TMC1: variants seen among roughly 807,000 people sequenced by gnomAD.
The protein encoded by TMC1 is transmembrane channel like 1.
In TMC1, 84 loss-of-function variants were observed where a neutral mutation model predicts 105.8. That is an observed-to-expected ratio of 0.79 (90% CI 0.67 to 0.95). TMC1 has a LOEUF of 0.95. TMC1 is among the 40% of genes least tolerant of loss of function. The pLI, the probability that TMC1 is intolerant of heterozygous loss-of-function variation, is 0.00. For missense variants in TMC1, 817 were observed against 914.1 expected (o/e 0.89, Z 1.37); for synonymous variants, 315 against 311.5 (o/e 1.01, Z -0.12).
In TMC1 at chr9:72,708,895, T is replaced by C. The variant is rs1346973681; in HGVS notation, c.362+8252T>C. 2.0e-5 allele frequency among the ~76,000 whole-genome samples: 3 copies of C among 152,162 alleles called. No homozygotes were observed. In the East Asian group the frequency reaches 5.8e-4, roughly 29 times the overall value. ...TATTATGTTGGCTGTATGTTTGTCATAGATGGCTTTTATTACATTGAGGTA... is the reference window on the plus strand; with the variant it reads ...TATTATGTTGGCTGTATGTTTGTCACAGATGGCTTTTATTACATTGAGGTA... On this transcript the variant is annotated intron_variant, in intron 8 of 23. Coordinates refer to ENST00000297784, the MANE Select transcript of TMC1 (RefSeq NM_138691.3).
At chr9:72,676,646 C>T (rs1000720651) in intron 5 of TMC1, among the ~76,000 whole-genome samples, 9 of 152,244 alleles carry the variant, frequency 5.9e-5, no homozygotes, top group Middle Eastern at 3.4e-3. Flanking sequence ...GGCTCATTCT[C>T]CTAGAGCCAG....
At chr9:72,736,852 G>T (rs1827306774) in intron 8 of TMC1, among the ~76,000 whole-genome samples, 3 of 151,970 alleles carry the variant, frequency 2.0e-5, no homozygotes, top group Non-Finnish European at 4.4e-5. Flanking sequence ...AAAAAAATGG[G>T]GATAGGCACA....
chr9:72,524,344 C>T (rs758088800), intron 1 of TMC1, among the ~76,000 whole-genome samples: 20 of 152,142 alleles, frequency 1.3e-4, no homozygotes, highest in Admixed American at 4.6e-4. Flanking sequence ...CTTTTGACTT[C>T]CTTTGAGCCT....
chr9:72,739,707 C>A (rs1021769614), intron 8 of TMC1, among the ~76,000 whole-genome samples: 1 of 152,110 alleles, frequency 6.6e-6, no homozygotes, highest in African/African-American at 2.4e-5. Flanking sequence ...TTGACCTAAC[C>A]TCTCTGCCCT....
chr9:72,725,313 T>G, intron 8 of TMC1, among the ~76,000 whole-genome samples: 1 of 123,598 alleles, frequency 8.1e-6, no homozygotes, highest in African/African-American at 2.9e-5. Flanking sequence ...CACACACATT[T>G]TATGTGTGTA....
At chr9:72,630,313 A>G (rs1340320864) in intron 4 of TMC1, among the ~76,000 whole-genome samples, 3 of 152,266 alleles carry the variant, frequency 2.0e-5, no homozygotes, top group African/African-American at 7.2e-5. Context: ...AATAAAACTA[A>G]TGAAAATATT....
intron 8 of TMC1, among the ~76,000 whole-genome samples, chr9:72,733,495 T>C (rs950709939): frequency 6.6e-6 from 1 of 152,152 alleles, no homozygotes; most frequent in African/African-American, 2.4e-5. Flanking sequence ...TTCTTAACTT[T>C]GTAGTTTGGA....
At chr9:72,812,504 GCTAGAGTTTGTC>G (rs1360973840) in intron 18 of TMC1, among the ~76,000 whole-genome samples, 1 of 152,200 alleles carries the variant, frequency 6.6e-6, no homozygotes, top group African/African-American at 2.4e-5. Flanking sequence ...AGCAGACGAG[GCTAGAGTTTGTC>G]CTAGATCAGT....
At chr9:72,755,316 G>A (rs759675456) in intron 12 of TMC1, among the ~76,000 whole-genome samples, 5 of 152,144 alleles carry the variant, frequency 3.3e-5, no homozygotes, top group Non-Finnish European at 5.9e-5. Context: ...GGAAAATCTT[G>A]TTGGATTCCT....
intron 5 of TMC1, among the ~76,000 whole-genome samples, chr9:72,664,352 A>G (rs867555355): frequency 1.3e-5 from 2 of 152,234 alleles, no homozygotes; most frequent in Non-Finnish European, 2.9e-5. Context: ...AACAGGAGAC[A>G]GGGAAATACT....
chr9:72,806,710 G>C (rs1828600054), intron 18 of TMC1, among the ~76,000 whole-genome samples: 1 of 151,676 alleles, frequency 6.6e-6, no homozygotes. Context: ...TGTGATGGTG[G>C]CCGGGAAGAG....
chr9:72,536,054 T>TA (rs1823578940), intron 1 of TMC1, among the ~76,000 whole-genome samples: 1 of 152,222 alleles, frequency 6.6e-6, no homozygotes, highest in East Asian at 1.9e-4. Context: ...CCCTAAAACT[T>TA]ATGTCCTTCT....
intron 18 of TMC1, among the ~76,000 whole-genome samples, chr9:72,813,622 C>T (rs1588096601): frequency 6.6e-6 from 1 of 152,218 alleles, no homozygotes; most frequent in East Asian, 1.9e-4. Flanking sequence ...GTTTTAGTAC[C>T]AGTCATAGAT....
intron 8 of TMC1, among the ~76,000 whole-genome samples, chr9:72,710,982 T>G (rs1826825795): frequency 6.6e-6 from 1 of 152,190 alleles, no homozygotes; most frequent in African/African-American, 2.4e-5. Flanking sequence ...GTGTTCTCAT[T>G]GTTCAACTCC....
At chr9:72,552,165 C>A (rs1290577920) in intron 1 of TMC1, among the ~76,000 whole-genome samples, 3 of 152,104 alleles carry the variant, frequency 2.0e-5, no homozygotes, top group Admixed American at 1.3e-4. Flanking sequence ...TCCATAATAA[C>A]CCAAATTTCT....
chr9:72,828,415 T>C (rs1411716619), intron 21 of TMC1, among the ~76,000 whole-genome samples: 1 of 146,422 alleles, frequency 6.8e-6, no homozygotes, highest in Non-Finnish European at 1.5e-5. Flanking sequence ...TGAGGTGTTG[T>C]TTAAAACACA....
chr9:72,748,432 T>C lies in TMC1; in HGVS notation c.536-3418T>C, dbSNP rs73647819. On this transcript the variant is annotated intron_variant, in intron 10 of 23. Coordinates refer to ENST00000297784, the MANE Select transcript of TMC1 (RefSeq NM_138691.3). ...GTTTCCTGATTCATAGTGGGACTAA[T>C]AATACTTAACCTCATTAAGTTCTAG... is the stretch of plus-strand genomic sequence containing the variant. Among the ~76,000 whole-genome samples, 340 of 152,344 alleles carry C rather than the reference T, an allele frequency of 2.2e-3. 3 individuals carry two copies. Among genetic ancestry groups the C allele is most frequent in the African/African-American group, 7.9e-3 (328 of 41,576 alleles).
At chr9:72,532,570 A>C (rs1243727475) in intron 1 of TMC1, among the ~76,000 whole-genome samples, 1 of 93,896 alleles carries the variant, frequency 1.1e-5, no homozygotes, top group South Asian at 3.1e-4. Flanking sequence ...AAAAAAAAAA[A>C]AAAAAAAAAA....
rs186937202 is a variant in TMC1, at chr9:72,704,019, A to G, written c.362+3376A>G. Among the ~76,000 whole-genome samples the G allele has an allele frequency of 9.7e-4, 148 of 152,298 alleles. 2 individuals carry two copies. Among genetic ancestry groups the G allele is most frequent in the Middle Eastern group, 3.4e-3 (1 of 294 alleles). On this transcript the variant is annotated intron_variant, in intron 8 of 23. Coordinates refer to ENST00000297784, the MANE Select transcript of TMC1 (RefSeq NM_138691.3). ...CTCCCCACCAGATTCCAACTACATT[A>G]TTAGAACAAGTGGTCAGTACTTCAC... is the stretch of plus-strand genomic sequence containing the variant.
Sources: allele counts gnomAD v4.1 joint callset (sites outside exome capture counted in the v4.1 genomes callset), GRCh38; gene constraint gnomAD v4.1.1; transcripts MANE v1.5; gene names NCBI Gene and HGNC (gene_info 2026-07-23, HGNC 2026-07-21).